ADAM28: variants seen among roughly 807,000 people sequenced by gnomAD.
ADAM28 encodes ADAM metallopeptidase domain 28.
A neutral mutation model predicts 101.2 loss-of-function variants in ADAM28; 105 were observed. That is an observed-to-expected ratio of 1.04 (90% CI 0.89 to 1.22). The LOEUF is 1.22. ADAM28 is among the 50% of genes most tolerant of loss of function. ADAM28 has a pLI of 0.00. For missense variants in ADAM28, 1,028 were observed against 945.4 expected (o/e 1.09, Z -1.15); for synonymous variants, 322 against 310.6 (o/e 1.04, Z -0.39).
rs191359717 is a variant in ADAM28, at chr8:24,336,171, G to A, written c.1567+530G>A. 6 of 985,002 alleles carry A rather than the reference G, an allele frequency of 6.1e-6. No individual in the cohort carries two copies. The Admixed American group carries it at 3.1e-4, about 51-fold the overall frequency. The allele number at this position is 985,002 out of a possible 1,614,324, so 61.0% of individuals were successfully genotyped here. Reference sequence around the variant, plus strand: ...TAAAGAAAAGTGAAAGTTCTTAAATGGTCGCTTTGTCCATAATGCCAAAAT... The same window carrying A: ...TAAAGAAAAGTGAAAGTTCTTAAATAGTCGCTTTGTCCATAATGCCAAAAT... On this transcript the variant is annotated intron_variant, in intron 14 of 22. Transcript: ENST00000265769.
Position 24,354,699 on chromosome 8 carries a change from C to G in ADAM28, c.*295C>G. 4.1e-6 allele frequency: 1 copy of G among 245,434 alleles called. No individual in the cohort carries two copies. Among genetic ancestry groups the G allele is most frequent in the Admixed American group, 5.7e-5 (1 of 17,664 alleles). 15.2% of individuals were successfully genotyped at this position (245,434 alleles called of 1,614,324 possible). A position where few individuals can be genotyped will look rare whatever the true frequency, so the allele number is the denominator to read the frequency against. ...TCTGTAATAGGAATTGATTCATTCT[C>G]TAATGAAAACAAAACATAAAAACAT... is the stretch of plus-strand genomic sequence containing the variant. On this transcript the variant is annotated 3_prime_UTR_variant, in exon 23 of 23. Coordinates refer to ENST00000265769, the MANE Select transcript of ADAM28 (RefSeq NM_014265.6).
chr8:24,357,775 T>TTCTC lies in ADAM28; in HGVS notation c.*3372_*3373insCTCT, dbSNP rs10648027. The TTCTC allele has an allele frequency of 0.98, 149,389 of 152,220 alleles. 73,336 individuals are homozygous for TTCTC. Among genetic ancestry groups the TTCTC allele is most frequent in the East Asian group, 1 (5,167 of 5,174 alleles). The allele number at this position is 152,220 out of a possible 1,614,324, so 9.4% of individuals were successfully genotyped here. On this transcript the variant is annotated 3_prime_UTR_variant, in exon 23 of 23. Transcript: ENST00000265769. The stretch of plus-strand genomic sequence containing the variant: ...CACTGCAAAACTTTTTTTCCTTTCT[T>TTCTC]TGTGTCTCTAGTCTCTTCCATTTGT...
At position 24,350,623 on chromosome 8, in the gene ADAM28, C is replaced by G. The variant is rs774118619; in HGVS notation, c.2100-609C>G. Among the ~76,000 whole-genome samples, 55 of 152,076 alleles carry G rather than the reference C, an allele frequency of 3.6e-4. 1 individual carries two copies. Among genetic ancestry groups the G allele is most frequent in the Non-Finnish European group, 7.4e-4 (50 of 68,006 alleles). On this transcript the variant is annotated intron_variant, in intron 19 of 22. Transcript: ENST00000265769. ...TCCACACCCGGCCGTGTGCTAAGCC[C>G]TTTTATATCTATTATCTTATTTACA...
At chr8:24,348,631 T>A (rs1378456971) in intron 18 of ADAM28, among the ~76,000 whole-genome samples, 1 of 152,160 alleles carries the variant, frequency 6.6e-6, no homozygotes, top group Non-Finnish European at 1.5e-5. Flanking sequence ...AATTTAAAGA[T>A]TAAAAGATTA....
chr8:24,328,903 A>T lies in ADAM28; in HGVS notation c.973-1082A>T, dbSNP rs1322892307. 7.3e-5 allele frequency among the ~76,000 whole-genome samples: 11 copies of T among 151,384 alleles called. No individual in the cohort carries two copies. In the East Asian group the frequency reaches 2.2e-3, roughly 30 times the overall value. On this transcript the variant is annotated intron_variant, in intron 10 of 22. Coordinates refer to ENST00000265769, the MANE Select transcript of ADAM28 (RefSeq NM_014265.6). ...ACCATTACACTCCAGTTTGGGCAAC[A>T]AGAGTGAGACACAGTCTCAAAAAAA... is the stretch of plus-strand genomic sequence containing the variant.
At chr8:24,302,009 C>T (rs1355770813) in intron 2 of ADAM28, among the ~76,000 whole-genome samples, 1 of 152,042 alleles carries the variant, frequency 6.6e-6, no homozygotes, top group African/African-American at 2.4e-5. Context: ...AAACGTGTGC[C>T]ATGGTGGTTT....
intron 2 of ADAM28, among the ~76,000 whole-genome samples, chr8:24,306,268 T>A (rs979983653): frequency 6.7e-6 from 1 of 149,890 alleles, no homozygotes; most frequent in Non-Finnish European, 1.5e-5. Context: ...ACTTGAACCC[T>A]GGGAGGCAGA....
rs1271375195 is a variant in ADAM28 at position 24,351,320 on chromosome 8, A to G, written c.2178+10A>G. 1 of 1,612,520 alleles carries G rather than the reference A, an allele frequency of 6.2e-7. No individual in the cohort carries two copies. The highest frequency in any genetic ancestry group is 8.5e-7 in the Non-Finnish European group (1 of 1,178,660). On this transcript the variant is annotated intron_variant, in intron 20 of 22. Transcript: ENST00000265769. ...TGTTCAACCCCAAGAGGTGAACTATATAGTCTGGGCTGTGATTACCATGGC... is the reference window on the plus strand; with the variant it reads ...TGTTCAACCCCAAGAGGTGAACTATGTAGTCTGGGCTGTGATTACCATGGC...
rs144941904 is a variant in ADAM28 at position 24,320,574 on chromosome 8, A to G, written c.648+267A>G. On this transcript the variant is annotated intron_variant, in intron 7 of 22. Transcript: ENST00000265769. ...TTATTGACTTAAGAGTACCCAACTT[A>G]GTTTCCAATTACATTCTTCTGTCAT... 5.0e-3 allele frequency among the ~76,000 whole-genome samples: 758 copies of G among 152,102 alleles called. 3 individuals carry two copies. The highest frequency in any genetic ancestry group is 7.7e-3 in the Non-Finnish European group (526 of 67,914).
At chr8:24,329,705 T>C (rs1324441991) in intron 10 of ADAM28, among the ~76,000 whole-genome samples, 2 of 152,106 alleles carry the variant, frequency 1.3e-5, no homozygotes, top group African/African-American at 4.8e-5. Context: ...GATTTCTTAT[T>C]GTTGATGAAA....
At chr8:24,345,552 C>A (rs1422957834) in intron 18 of ADAM28, among the ~76,000 whole-genome samples, 4 of 151,818 alleles carry the variant, frequency 2.6e-5, no homozygotes, top group Non-Finnish European at 5.9e-5. Context: ...TTGTTTTCTC[C>A]TGTTTCACAT....
chr8:24,298,908 T>C (rs1476165267), intron 1 of ADAM28, among the ~76,000 whole-genome samples: 1 of 152,116 alleles, frequency 6.6e-6, no homozygotes, highest in Admixed American at 6.6e-5. Flanking sequence ...AAATGACTTC[T>C]AGGCCAGGTG....
intron 6 of ADAM28, among the ~76,000 whole-genome samples, chr8:24,315,548 A>T (rs1811053433): frequency 1.3e-5 from 2 of 152,014 alleles, no homozygotes; most frequent in South Asian, 4.1e-4. Context: ...GCCTAGGACT[A>T]GATGGCTCTA....
In ADAM28 at chr8:24,310,269, A is replaced by G. The variant is rs1585549825; in HGVS notation, c.306+28A>G. Reference sequence around the variant, plus strand: ...ATAACGGAGTCTCTTCAATTCTTTAATTAGGGTTTTACCCACAGACCTAAA... The same window carrying G: ...ATAACGGAGTCTCTTCAATTCTTTAGTTAGGGTTTTACCCACAGACCTAAA... On this transcript the variant is annotated intron_variant, in intron 4 of 22. Transcript: ENST00000265769. The G allele has an allele frequency of 1.9e-6, 3 of 1,600,298 alleles. No homozygotes were observed. In the East Asian group the frequency reaches 6.7e-5, roughly 36 times the overall value.
At chr8:24,351,130 A>G in intron 19 of ADAM28, 102 bp from the exon 20 acceptor site, 2 of 988,134 alleles carry the variant, frequency 2.0e-6, no homozygotes, top group Non-Finnish European at 1.4e-6. Flanking sequence ...ATAGGCAAGA[A>G]AGACACAATG....
At position 24,309,975 on chromosome 8, in the gene ADAM28, G is replaced by T. The variant is rs1236286316; in HGVS notation, c.227+5G>T. 1 of 1,550,806 alleles carries T rather than the reference G, an allele frequency of 6.4e-7. No homozygotes were observed. Among genetic ancestry groups the T allele is most frequent in the Non-Finnish European group, 8.9e-7 (1 of 1,124,036 alleles). The stretch of plus-strand genomic sequence containing the variant: ...GCTTTATTTGAAAAAAAACAAGTAA[G>T]TATCTTTACCTGTGATATTATCCTC... On this transcript the variant is annotated splice_donor_5th_base_variant and intron_variant, in intron 3 of 22. Transcript: ENST00000265769.
chr8:24,351,989 G>A lies in ADAM28; in HGVS notation c.2181G>A (p.Met727Ile). The A allele has an allele frequency of 1.2e-6, 2 of 1,613,428 alleles. No individual in the cohort carries two copies. Among genetic ancestry groups the A allele is most frequent in the South Asian group, 1.1e-5 (1 of 91,042 alleles). Residue 727 changes from methionine (M) to isoleucine (I), a missense_variant and splice_region_variant, in exon 21 of 23, where the codon ATG becomes ATA. By Grantham distance (10) the Met-to-Ile change is conservative (BLOSUM62 1). Coordinates refer to ENST00000265769, the MANE Select transcript of ADAM28 (RefSeq NM_014265.6). ...QMVKAVQPQE[M>I]SQMKPHVYDL... Reference sequence around the variant, plus strand: ...GAAATATTCGTTCTTCTTTTCAGATGAGTCAGATGAAGCCCCATGTGTATG... The same window carrying A: ...GAAATATTCGTTCTTCTTTTCAGATAAGTCAGATGAAGCCCCATGTGTATG...
At chr8:24,349,997 T>C (rs1361334384) in intron 19 of ADAM28, 25 bp downstream of exon 19, 1 of 1,603,562 alleles carries the variant, frequency 6.2e-7, no homozygotes, top group African/African-American at 1.3e-5. Context: ...TATCTTGCTG[T>C]AGGGACTCTT....
At chr8:24,347,346 T>A (rs1357210238) in intron 18 of ADAM28, among the ~76,000 whole-genome samples, 1 of 152,084 alleles carries the variant, frequency 6.6e-6, no homozygotes, top group Non-Finnish European at 1.5e-5. Flanking sequence ...TGGACTGTGA[T>A]TTTTTCATAT....
Sources: allele counts gnomAD v4.1 joint callset (sites outside exome capture counted in the v4.1 genomes callset), GRCh38; gene constraint gnomAD v4.1.1; transcripts MANE v1.5; gene names NCBI Gene and HGNC (gene_info 2026-07-23, HGNC 2026-07-21).